DNAAF8: variants seen among roughly 807,000 people sequenced by gnomAD.
DNAAF8 encodes dynein axonemal assembly factor 8, also known as dynein axonemal-associated protein 1.
DNAAF8 carries 61 observed loss-of-function variants against 54.6 expected under a neutral mutation model. The ratio of observed to expected loss-of-function variants is 1.12; its 90% confidence interval spans 0.91 to 1.38. The LOEUF is 1.38. Ranked by LOEUF, DNAAF8 falls within the 40% of genes most tolerant of loss-of-function variation. DNAAF8 has a pLI of 0.00. For synonymous variants in DNAAF8, 320 were observed against 270.1 expected, an observed-to-expected ratio of 1.18 and a Z score of -1.81; for missense variants, 837 against 665.0, an observed-to-expected ratio of 1.26 and a Z score of -2.85.
chr16:4,745,952 C>A (rs78397735), intron 6 of DNAAF8, among the ~76,000 whole-genome samples: 1,493 of 112,684 alleles, frequency 0.013, no homozygotes, highest in Middle Eastern at 0.023. Flanking sequence ...GACTCTGTCT[C>A]AAAAAAAAAA....
intron 3 of DNAAF8, among the ~76,000 whole-genome samples, chr16:4,738,226 A>G (rs1021126834): frequency 3.3e-5 from 5 of 152,010 alleles, no homozygotes; most frequent in African/African-American, 1.2e-4. Context: ...GTTCTCTACC[A>G]TGGCATCCTG....
rs191603907 is a variant in DNAAF8 at position 4,749,255 on chromosome 16, G to C, written c.*540G>C. Reference sequence around the variant, plus strand: ...CTGCCCTCGCAGCCTGGCGGCCTCCGCTGTGGCTGCCTAGCTGTCAAGAGC... The same window carrying C: ...CTGCCCTCGCAGCCTGGCGGCCTCCCCTGTGGCTGCCTAGCTGTCAAGAGC... On this transcript the variant is annotated 3_prime_UTR_variant, in exon 10 of 10. Coordinates refer to ENST00000299320, the MANE Select transcript of DNAAF8 (RefSeq NM_139170.3). The C allele has an allele frequency of 1.3e-5, 2 of 154,414 alleles. No homozygotes were observed. The highest frequency in any genetic ancestry group is 4.8e-5 in the African/African-American group (2 of 41,526). 9.6% of individuals were successfully genotyped at this position (154,414 alleles called of 1,614,324 possible).
chr16:4,740,751 G>T (rs1274526683), intron 4 of DNAAF8, 92 bp downstream of exon 4: 21 of 1,417,328 alleles, frequency 1.5e-5, no homozygotes, highest in Middle Eastern at 2.6e-4. Context: ...GCAGCTTGAG[G>T]GCTGGCCCAC....
rs1255712556 is a variant in DNAAF8, at chr16:4,737,909, G to A, written c.239G>A (p.Arg80Lys). 1.9e-6 allele frequency: 3 copies of A among 1,614,240 alleles called. No individual in the cohort carries two copies. Among genetic ancestry groups the A allele is most frequent in the East Asian group, 2.2e-5 (1 of 44,886 alleles). ...GATCCTGCCGATGGCGACAAGTCCA[G>A]GGCCTGGGTCGCTGCAGCTGAAGAG... ...AEDPADGDKS[R>K]AWVAAAEESL... The change falls in exon 3 of 10, where the codon AGG (arginine) becomes AAG (lysine). Residue 80 changes from arginine (R) to lysine (K), a missense_variant. Physicochemically the swap from Arg to Lys is conservative, Grantham distance 26. Transcript: ENST00000299320.
At chr16:4,738,108 C>T in intron 3 of DNAAF8, 162 bp downstream of exon 3, 1 of 848,776 alleles carries the variant, frequency 1.2e-6, no homozygotes, top group Non-Finnish European at 1.8e-6. Context: ...AACATCTAAC[C>T]TCCACGCACC....
intron 7 of DNAAF8, 67 bp downstream of exon 7, chr16:4,746,579 G>A: frequency 6.6e-7 from 1 of 1,520,650 alleles, no homozygotes; most frequent in East Asian, 2.3e-5. Context: ...ACCGCACAGA[G>A]CCTCTGGTGG....
Position 4,736,716 on chromosome 16 carries a change from T to C in DNAAF8, c.129+73T>C, listed in dbSNP as rs996603587. 149 of 1,337,074 alleles carry C rather than the reference T, an allele frequency of 1.1e-4. No individual in the cohort carries two copies. The East Asian group carries it at 3.9e-3, about 35-fold the overall frequency. The allele number at this position is 1,337,074 out of a possible 1,614,324, so 82.8% of individuals were successfully genotyped here. ...AGGCATGACGCTGGCCAGGACAGCT[T>C]TGGAGCACTTCTCTGAAGACTTTTC... On this transcript the variant is annotated intron_variant, in intron 2 of 9. Transcript: ENST00000299320.
intron 2 of DNAAF8, 139 bp downstream of exon 2, chr16:4,736,782 G>C (rs1205670435): frequency 4.1e-6 from 4 of 982,014 alleles, no homozygotes; most frequent in Non-Finnish European, 5.5e-6. Context: ...ACTTTAAATC[G>C]CATGGCCAGA....
chr16:4,740,156 G>A lies in DNAAF8; in HGVS notation c.280G>A (p.Val94Ile). The A allele has an allele frequency of 6.2e-7, 1 of 1,603,262 alleles. No homozygotes were observed. Among genetic ancestry groups the A allele is most frequent in the Non-Finnish European group, 8.5e-7 (1 of 1,172,726 alleles). ...AACATACCTGTTTTCTTGACAGCCA[G>A]TTCTGGTGCCTGCAGAATTGGCCAC... ...AAAEESLPEP[V>I]LVPAELATEP... Residue 94 changes from valine to isoleucine, a missense_variant, in exon 4 of 10, where the codon GTT becomes ATT. By Grantham distance (29) the Val-to-Ile change is conservative. Transcript: ENST00000299320.
chr16:4,747,673 T>A, intron 9 of DNAAF8, 39 bp downstream of exon 9: 1 of 1,549,456 alleles, frequency 6.5e-7, no homozygotes, highest in Non-Finnish European at 8.7e-7. Flanking sequence ...CGGGCTGACT[T>A]GCCATGGACC....
At chr16:4,747,178 C>A (rs1049954827) in intron 8 of DNAAF8, 153 bp downstream of exon 8, 6 of 1,204,998 alleles carry the variant, frequency 5.0e-6, no homozygotes, top group Non-Finnish European at 7.0e-6. Flanking sequence ...TCATCCTGCC[C>A]ACGTCCACTG....
In DNAAF8 at chr16:4,737,710, T is replaced by TGAGAGTG. The variant is rs764124675; in HGVS notation, c.130-77_130-71dup. 1.1e-5 allele frequency: 16 copies of TGAGAGTG among 1,487,352 alleles called. No homozygotes were observed. The African/African-American group carries it at 1.1e-4, about 10-fold the overall frequency. The allele number at this position is 1,487,352 out of a possible 1,614,324, so 92.1% of individuals were successfully genotyped here. On this transcript the variant is annotated intron_variant, in intron 2 of 9. Transcript: ENST00000299320. ...TGGGCTGGGCGGGCTGGGCTGGAAG[T>TGAGAGTG]GAGAGTGGAGAGTGGAGAGCGGGGG...
At chr16:4,738,323 G>C (rs1016919184) in intron 3 of DNAAF8, among the ~76,000 whole-genome samples, 1 of 152,296 alleles carries the variant, frequency 6.6e-6, no homozygotes, top group East Asian at 1.9e-4. Context: ...GCTCATCCCA[G>C]CACCTGGCGA....
rs764051737 is a variant in DNAAF8 at position 4,740,381 on chromosome 16, C to A, written c.505C>A (p.Gln169Lys). The A allele has an allele frequency of 1.2e-6, 2 of 1,613,826 alleles. No individual in the cohort carries two copies. The highest frequency in any genetic ancestry group is 3.3e-5 in the Admixed American group (2 of 60,010). The stretch of plus-strand genomic sequence containing the variant: ...ATCCCAGGGTCCTCCCTGGGACCCA[C>A]AGGCCGAAGCCACTCTCTCCTGCCA... ...KGSQGPPWDP[Q>K]AEATLSCHEG... is the part of the protein sequence containing the mutation. Residue 169 changes from glutamine (Q) to lysine (K), a missense_variant, in exon 4 of 10, where the codon CAG becomes AAG. Transcript: ENST00000299320.
At chr16:4,736,089 T>C (rs1027768420) in intron 1 of DNAAF8, among the ~76,000 whole-genome samples, 1 of 152,170 alleles carries the variant, frequency 6.6e-6, no homozygotes, top group Non-Finnish European at 1.5e-5. Flanking sequence ...ATGAAGAGAA[T>C]AGTTATGCTA....
intron 7 of DNAAF8, 200 bp from the exon 8 acceptor site, chr16:4,746,727 C>A: frequency 2.6e-6 from 2 of 758,920 alleles, no homozygotes; most frequent in Non-Finnish European, 2.1e-6. Context: ...GGGCTCTATG[C>A]AATAGAGCCC....
intron 4 of DNAAF8, 78 bp from the exon 5 acceptor site, chr16:4,742,965 C>T: frequency 8.6e-7 from 1 of 1,163,166 alleles, no homozygotes; most frequent in African/African-American, 1.5e-5. Context: ...CTCCATGGGT[C>T]ACAGCAGCTG....
chr16:4,737,844 A>G lies in DNAAF8; in HGVS notation c.174A>G (p.Gln58=), dbSNP rs760872155. Reference sequence around the variant, plus strand: ...AGCTGTTCATCTTCCAGCGAAACCAAACCTCCCTGATTCCAGACCTGTCGG... The same window carrying G: ...AGCTGTTCATCTTCCAGCGAAACCAGACCTCCCTGATTCCAGACCTGTCGG... ...EEELFIFQRN[Q]TSLIPDLSEE... is the part of the protein sequence containing the mutation. Residue 58 remains glutamine, a synonymous_variant, in exon 3 of 10, where the codon CAA becomes CAG. Coordinates refer to ENST00000299320, the MANE Select transcript of DNAAF8 (RefSeq NM_139170.3). 6 of 1,613,976 alleles carry G rather than the reference A, an allele frequency of 3.7e-6. No homozygotes were observed. The African/African-American group carries it at 8.0e-5, about 22-fold the overall frequency.
chr16:4,746,445 G>A lies in DNAAF8; in HGVS notation c.1114G>A (p.Ala372Thr), dbSNP rs139313016. ...PQLAQGMRLN[A>T]ESPTIFIDLR... Reference sequence around the variant, plus strand: ...GCTGGCCCAGGGCATGAGGCTTAACGCAGAGTCCCCCACCATCTTTATTGA... The same window carrying A: ...GCTGGCCCAGGGCATGAGGCTTAACACAGAGTCCCCCACCATCTTTATTGA... The change falls in exon 7 of 10, where the codon GCA (alanine) becomes ACA (threonine). Residue 372 changes from alanine (A) to threonine (T), a missense_variant. Physicochemically the swap from Ala to Thr is moderately conservative, Grantham distance 58. Transcript: ENST00000299320. 24 of 1,613,608 alleles carry A rather than the reference G, an allele frequency of 1.5e-5. No individual in the cohort carries two copies. Among genetic ancestry groups the A allele is most frequent in the East Asian group, 2.2e-5 (1 of 44,886 alleles).
Sources: allele counts gnomAD v4.1 joint callset (sites outside exome capture counted in the v4.1 genomes callset), GRCh38; gene constraint gnomAD v4.1.1; transcripts MANE v1.5; gene names NCBI Gene and HGNC (gene_info 2026-07-23, HGNC 2026-07-21).